PTPRG: variants seen among roughly 807,000 people sequenced by gnomAD.
The protein encoded by PTPRG is receptor-type tyrosine-protein phosphatase gamma.
PTPRG carries 102 observed loss-of-function variants against 165.3 expected under a neutral mutation model. The observed-to-expected ratio is 0.62, with a 90% CI of 0.53 to 0.73. PTPRG has a LOEUF of 0.73. Among genes scored for constraint, PTPRG ranks in the 30% least tolerant of loss-of-function variants. The probability of loss-of-function intolerance (pLI) is 0.00; values close to 1 mark genes in which losing one functional copy is unlikely to be tolerated. For synonymous variants in PTPRG, 675 were observed against 669.5 expected, an observed-to-expected ratio of 1.01 and a Z score of -0.13; for missense variants, 1,866 against 1,861.4, an observed-to-expected ratio of 1.00 and a Z score of -0.05.
chr3:61,564,190 T>C (rs1279461368), intron 1 of PTPRG, among the ~76,000 whole-genome samples: 6 of 152,194 alleles, frequency 3.9e-5, no homozygotes, highest in Admixed American at 2.6e-4. Context: ...TCATCTCTCC[T>C]TTCTAGTCTC....
At position 62,003,416 on chromosome 3, in the gene PTPRG, G is replaced by A. The variant is rs908850824; in HGVS notation, c.438G>A (p.Glu146=). The A allele has an allele frequency of 1.9e-6, 3 of 1,613,970 alleles. No homozygotes were observed. The highest frequency in any genetic ancestry group is 2.5e-6 in the Non-Finnish European group (3 of 1,179,966). The change falls in exon 4 of 30, where the codon GAG becomes GAA. Residue 146 remains glutamate (E), a synonymous_variant. Coordinates refer to ENST00000474889, the MANE Select transcript of PTPRG (RefSeq NM_002841.4). ...GTCTACCTGGCAGATTCAAAGCTGA[G>A]AAGGTGGAATTTCACTGGGGCCACA... ...GAGLPGRFKA[E]KVEFHWGHSN...
intron 2 of PTPRG, among the ~76,000 whole-genome samples, chr3:61,883,181 C>T (rs2037936424): frequency 6.6e-6 from 1 of 152,158 alleles, no homozygotes; most frequent in African/African-American, 2.4e-5. Context: ...AAAGGTTTAT[C>T]TTTACAATGT....
intron 8 of PTPRG, among the ~76,000 whole-genome samples, chr3:62,172,285 A>T (rs1322918603): frequency 6.6e-6 from 1 of 152,232 alleles, no homozygotes; most frequent in African/African-American, 2.4e-5. Context: ...TTGCTGGGTC[A>T]TATGGTAACT....
chr3:62,213,327 G>A lies in PTPRG; in HGVS notation c.2156-5524G>A, dbSNP rs143826238. Among the ~76,000 whole-genome samples, 9 of 152,162 alleles carry A rather than the reference G, an allele frequency of 5.9e-5. No individual in the cohort carries two copies. The highest frequency in any genetic ancestry group is 1.2e-4 in the Non-Finnish European group (8 of 68,028). ...CAGCCTGTGCACTCACACAGGCCCT[G>A]TGCTCAGAAGGGCCTATGCTTGCTT... On this transcript the variant is annotated intron_variant, in intron 12 of 29. Coordinates refer to ENST00000474889, the MANE Select transcript of PTPRG (RefSeq NM_002841.4). This position sits in a 1 kb window ranked among gnomAD's most constrained non-coding sequence, Gnocchi z 4.4.
At chr3:61,609,308 A>T (rs140613412) in intron 1 of PTPRG, among the ~76,000 whole-genome samples, 114 of 152,218 alleles carry the variant, frequency 7.5e-4, no homozygotes, top group African/African-American at 2.2e-3. Flanking sequence ...TTCCATTTCT[A>T]CGTATCATCT....
chr3:62,284,015 C>G (rs1576223088), intron 28 of PTPRG, among the ~76,000 whole-genome samples: 1 of 152,040 alleles, frequency 6.6e-6, no homozygotes, highest in East Asian at 1.9e-4. Flanking sequence ...TGGGGAGTTG[C>G]TACTGAACTA....
intron 1 of PTPRG, among the ~76,000 whole-genome samples, chr3:61,725,549 C>T (rs967291288): frequency 3.9e-5 from 6 of 152,152 alleles, no homozygotes; most frequent in Admixed American, 2.6e-4. Flanking sequence ...GTTCTCTATT[C>T]TGTTCCATTG....
chr3:61,598,071 T>C (rs1700748951), intron 1 of PTPRG, among the ~76,000 whole-genome samples: 1 of 152,134 alleles, frequency 6.6e-6, no homozygotes, highest in African/African-American at 2.4e-5. Context: ...GTTTTGAAAC[T>C]CGGCTACCTC....
At chr3:61,895,033 C>T (rs1023330875) in intron 2 of PTPRG, among the ~76,000 whole-genome samples, 1 of 152,142 alleles carries the variant, frequency 6.6e-6, no homozygotes, top group South Asian at 2.1e-4. Context: ...CTGTGACAAC[C>T]AGTGTCTCCA....
chr3:61,720,061 T>C (rs2031983225), intron 1 of PTPRG, among the ~76,000 whole-genome samples: 1 of 152,170 alleles, frequency 6.6e-6, no homozygotes, highest in Non-Finnish European at 1.5e-5. Flanking sequence ...TACTTTATCT[T>C]GTTCATTATT....
chr3:62,149,165 C>T (rs1465566673), intron 6 of PTPRG, among the ~76,000 whole-genome samples: 3 of 152,026 alleles, frequency 2.0e-5, no homozygotes, highest in Admixed American at 6.6e-5. Context: ...AATGACAGAA[C>T]GATGACATGC....
At chr3:61,706,517 A>G (rs973743476) in intron 1 of PTPRG, among the ~76,000 whole-genome samples, 1 of 145,146 alleles carries the variant, frequency 6.9e-6, no homozygotes, top group Non-Finnish European at 1.5e-5. Context: ...TTTCGAGATG[A>G]AGTCTCGCTC....
At chr3:61,894,670 G>A (rs1451856576) in intron 2 of PTPRG, among the ~76,000 whole-genome samples, 1 of 152,080 alleles carries the variant, frequency 6.6e-6, no homozygotes, top group Non-Finnish European at 1.5e-5. Context: ...TCAAAACTGT[G>A]ATTTCAACTT....
chr3:61,672,081 G>T (rs577205511), intron 1 of PTPRG, among the ~76,000 whole-genome samples: 1 of 149,028 alleles, frequency 6.7e-6, no homozygotes, highest in Non-Finnish European at 1.5e-5. Context: ...CATCCCGGAC[G>T]GGGCAGCAGG....
At chr3:62,215,689 A>G (rs918125088) in intron 12 of PTPRG, among the ~76,000 whole-genome samples, 1 of 152,016 alleles carries the variant, frequency 6.6e-6, no homozygotes, top group Non-Finnish European at 1.5e-5. Flanking sequence ...TTCTCTCTCT[A>G]TGCTGGTGGT....
Position 61,713,344 on chromosome 3 carries a change from T to G in PTPRG, c.86-35534T>G, listed in dbSNP as rs2031656947. Among the ~76,000 whole-genome samples the G allele has an allele frequency of 2.0e-5, 3 of 148,996 alleles. No homozygotes were observed. In the South Asian group the frequency reaches 6.4e-4, roughly 32 times the overall value. On this transcript the variant is annotated intron_variant, in intron 1 of 29. Transcript: ENST00000474889. ...CTCAGCTAATTTTTTTTTTTTTTTT[T>G]GTATTTTTAGTAGAGACGGGGTTTC...
rs1393248724 is a variant in PTPRG at position 61,738,315 on chromosome 3, T to TAC, written c.86-10562_86-10561insCA. Among the ~76,000 whole-genome samples the TAC allele has an allele frequency of 3.8e-5, 4 of 104,206 alleles. No individual in the cohort carries two copies. The East Asian group carries it at 9.8e-4, about 26-fold the overall frequency. The allele number at this position is 104,206 out of a possible 152,430, so 68.4% of individuals were successfully genotyped here. On this transcript the variant is annotated intron_variant, in intron 1 of 29. Transcript: ENST00000474889. ...ATATATATATATATATATATATACA[T>TAC]ATATATATATATATATATATATGTA...
chr3:61,590,844 T>G (rs1310794259), intron 1 of PTPRG, among the ~76,000 whole-genome samples: 2 of 152,196 alleles, frequency 1.3e-5, no homozygotes, highest in Non-Finnish European at 2.9e-5. Context: ...AGGTGCCATA[T>G]GCAGTGGCTC....
At chr3:61,882,660 C>T (rs1187034082) in intron 2 of PTPRG, among the ~76,000 whole-genome samples, 1 of 152,092 alleles carries the variant, frequency 6.6e-6, no homozygotes, top group Non-Finnish European at 1.5e-5. Flanking sequence ...TGCTAGTTGG[C>T]CTCTTAATTC....
Sources: gnomAD v4.1 joint callset for allele counts (sites outside exome capture counted in the v4.1 genomes callset) on GRCh38, gnomAD v4.1.1 for gene constraint, Gnocchi (gnomAD v3.1) non-coding constraint, MANE v1.5 for transcripts, NCBI Gene and HGNC (gene_info 2026-07-23, HGNC 2026-07-21) for gene names.